RNPS1: variants seen among roughly 807,000 people sequenced by gnomAD.
RNPS1 encodes the protein RNA-binding protein with serine-rich domain 1.
For missense variants in RNPS1, 300 were observed against 427.6 expected (o/e 0.70, Z 2.63); for synonymous variants, 147 against 150.0 (o/e 0.98, Z 0.15).
chr16:2,262,925 T>C (rs2093609097), intron 4 of RNPS1, 83 bp from the exon 5 acceptor site: 2 of 1,348,984 alleles, frequency 1.5e-6, no homozygotes, highest in Non-Finnish European at 2.1e-6. Flanking sequence ...TCTTATCTGC[T>C]TGTGTGACAG....
Position 2,263,305 on chromosome 16 carries a change from G to C in RNPS1, c.228-18C>G. On this transcript the variant is annotated intron_variant, in intron 3 of 7. Coordinates refer to ENST00000320225, the MANE Select transcript of RNPS1 (RefSeq NM_080594.4). ...ACCGAGACCTGAGGGCAAGATGAGG[G>C]GTCACAACCACCACACACCAAGTCT... The C allele has an allele frequency of 6.2e-7, 1 of 1,613,266 alleles. No individual in the cohort carries two copies. The highest frequency in any genetic ancestry group is 8.5e-7 in the Non-Finnish European group (1 of 1,179,530).
At chr16:2,264,813 G>T in intron 1 of RNPS1, 53 bp from the exon 2 acceptor site, 1 of 1,407,600 alleles carries the variant, frequency 7.1e-7, no homozygotes, top group Non-Finnish European at 9.3e-7. Flanking sequence ...AAGGCAACAA[G>T]TCTACTTTGC....
intron 1 of RNPS1, chr16:2,266,799 G>C (rs532638702): frequency 2.7e-4 from 180 of 674,592 alleles, no homozygotes; most frequent in Non-Finnish European, 3.1e-4. Flanking sequence ...AATTTTTAAC[G>C]TTTGACACAT....
chr16:2,264,407 C>G (rs950859918), intron 2 of RNPS1, 76 bp from the exon 3 acceptor site: 1 of 1,599,446 alleles, frequency 6.3e-7, no homozygotes, highest in Non-Finnish European at 8.6e-7. Context: ...AACGGGGGAT[C>G]AGCATCAGCA....
chr16:2,259,398 C>T (rs997436078), intron 6 of RNPS1, among the ~76,000 whole-genome samples: 12 of 152,212 alleles, frequency 7.9e-5, no homozygotes, highest in Admixed American at 2.6e-4. Context: ...TAACAAATTT[C>T]GTCAATTGTG....
chr16:2,265,490 T>G (rs559521942), intron 1 of RNPS1: 1 of 151,692 alleles, frequency 6.6e-6, no homozygotes, highest in East Asian at 1.9e-4. Context: ...CCTCTGATTT[T>G]TTTTTTTTTT....
At chr16:2,261,884 C>G (rs1358219393) in intron 6 of RNPS1, among the ~76,000 whole-genome samples, 1 of 152,202 alleles carries the variant, frequency 6.6e-6, no homozygotes, top group Non-Finnish European at 1.5e-5. Context: ...GTCTTCAAGA[C>G]TCAATCCTTA....
chr16:2,258,890 AG>A (rs1254649467), intron 6 of RNPS1: 1 of 152,140 alleles, frequency 6.6e-6, no homozygotes, highest in African/African-American at 2.4e-5. Context: ...TGGGAGGCCA[AG>A]GCGGGTGGAT....
intron 6 of RNPS1, chr16:2,256,082 GC>G (rs2093577059): frequency 8.2e-6 from 2 of 243,786 alleles, no homozygotes; most frequent in African/African-American, 4.7e-5. Flanking sequence ...CAGAGATCGT[GC>G]CACTACACTC....
intron 1 of RNPS1, chr16:2,267,229 G>A (rs1262579176): frequency 2.0e-6 from 2 of 985,442 alleles, no homozygotes; most frequent in Non-Finnish European, 2.4e-6. Flanking sequence ...CTCCGGAAAG[G>A]TGCGCGTCCA....
chr16:2,262,652 T>C, intron 5 of RNPS1, 88 bp downstream of exon 5: 1 of 1,237,814 alleles, frequency 8.1e-7, no homozygotes, highest in Non-Finnish European at 1.2e-6. Flanking sequence ...ACCCCAGTCC[T>C]CCAAAAGGCT....
intron 6 of RNPS1, chr16:2,256,715 G>C (rs1345624661): frequency 6.6e-6 from 1 of 152,416 alleles, no homozygotes. Context: ...GGCCAGGGTG[G>C]GGCTTCCTCG....
chr16:2,259,677 C>A (rs1346756304), intron 6 of RNPS1, among the ~76,000 whole-genome samples: 1 of 152,186 alleles, frequency 6.6e-6, no homozygotes, highest in African/African-American at 2.4e-5. Context: ...ATCACGAGGT[C>A]AGGAGATCCA....
rs910642629 is a variant in RNPS1, at chr16:2,265,014, C to T, written c.-117-254G>A. 5.9e-5 allele frequency: 12 copies of T among 204,948 alleles called. No individual in the cohort carries two copies. The South Asian group carries it at 1.1e-3, about 19-fold the overall frequency. 12.7% of individuals were successfully genotyped at this position (204,948 alleles called of 1,614,324 possible). On this transcript the variant is annotated intron_variant, in intron 1 of 7. Transcript: ENST00000320225. ...AAAATGGAGATGGTGGAGACCATCACTGTTATTTTACAGGCTGAACAATTC... is the reference window on the plus strand; with the variant it reads ...AAAATGGAGATGGTGGAGACCATCATTGTTATTTTACAGGCTGAACAATTC...
intron 7 of RNPS1, among the ~76,000 whole-genome samples, chr16:2,254,286 C>A (rs1464935490): frequency 6.6e-6 from 1 of 152,208 alleles, no homozygotes; most frequent in Non-Finnish European, 1.5e-5. Flanking sequence ...CAGGCGCGCG[C>A]CACCACGCCC....
At chr16:2,255,806 C>T in intron 6 of RNPS1, 80 bp from the exon 7 acceptor site, 1 of 1,436,050 alleles carries the variant, frequency 7.0e-7, no homozygotes, top group Non-Finnish European at 9.6e-7. Flanking sequence ...AAAGACAGGC[C>T]TGGGGGGACA....
At position 2,254,075 on chromosome 16, in the gene RNPS1, G is replaced by C; in HGVS notation, c.819-12C>G. ...TCGGGGAGCGGGACCTGCGGGAAGA[G>C]GAGAAACCACATCAGAGTAGCTCAG... is the stretch of plus-strand genomic sequence containing the variant. On this transcript the variant is annotated splice_polypyrimidine_tract_variant and intron_variant, in intron 7 of 7. Transcript: ENST00000320225. 6.8e-7 allele frequency: 1 copy of C among 1,466,808 alleles called. No individual in the cohort carries two copies. The highest frequency in any genetic ancestry group is 9.0e-7 in the Non-Finnish European group (1 of 1,106,076). 90.9% of individuals were successfully genotyped at this position (1,466,808 alleles called of 1,614,324 possible).
At position 2,255,602 on chromosome 16, in the gene RNPS1, G is replaced by C; in HGVS notation, c.801C>G (p.Pro267=). ...LPPPPMWRRS[P]PRMRRRSRSP... ...TTGTTTACCTTCTCCTCATCCGTGG[G>C]GGAGACCTGCGCCACATAGGCGGTG... The change falls in exon 7 of 8, where the codon CCC becomes CCG. Residue 267 remains proline, a synonymous_variant. Transcript: ENST00000320225. The C allele has an allele frequency of 6.3e-7, 1 of 1,596,504 alleles. No homozygotes were observed.
chr16:2,267,931 A>C, intron 1 of RNPS1, 124 bp downstream of exon 1: 1 of 1,528,634 alleles, frequency 6.5e-7, no homozygotes, highest in South Asian at 1.2e-5. Flanking sequence ...CGGAGCCCGC[A>C]CCGCGCTGCC....
Sources: allele counts gnomAD v4.1 joint callset (sites outside exome capture counted in the v4.1 genomes callset), GRCh38; gene constraint gnomAD v4.1.1; transcripts MANE v1.5; gene names NCBI Gene and HGNC (gene_info 2026-07-23, HGNC 2026-07-21).